Variants in GALNTL6 observed in about 807,000 individuals in gnomAD.
GALNTL6 encodes polypeptide N-acetylgalactosaminyltransferase like 6, also known as polypeptide N-acetylgalactosaminyltransferase-like 6.
In GALNTL6, 46 loss-of-function variants were observed where a neutral mutation model predicts 73.7. The ratio of observed to expected loss-of-function variants is 0.62; its 90% CI spans 0.49 to 0.80. The LOEUF is 0.80. GALNTL6 is among the 30% of genes least tolerant of loss of function. The pLI is 0.00. For synonymous variants in GALNTL6, 259 were observed against 263.7 expected (o/e 0.98, Z 0.17); for missense variants, 604 against 755.0 (o/e 0.80, Z 2.34).
rs145242938 is a variant in GALNTL6, at chr4:172,753,044, C to T, written c.554-56317C>T. Among the ~76,000 whole-genome samples the T allele has an allele frequency of 1.4e-3, 206 of 152,080 alleles. 1 individual carries two copies. Among genetic ancestry groups the T allele is most frequent in the African/African-American group, 4.7e-3 (195 of 41,488 alleles). On this transcript the variant is annotated intron_variant, in intron 5 of 12. Transcript: ENST00000506823. ...CACATGTGAATTGATATGGTTTGGC[C>T]GTGTTCCCACCCAAATCTCACCTTG...
chr4:172,365,198 T>C (rs1742513254), intron 5 of GALNTL6, among the ~76,000 whole-genome samples: 1 of 152,050 alleles, frequency 6.6e-6, no homozygotes, highest in Non-Finnish European at 1.5e-5. Context: ...TCTTGCAATG[T>C]TTCTGAGTGG....
At chr4:172,914,995 A>G (rs1162939965) in intron 8 of GALNTL6, among the ~76,000 whole-genome samples, 9 of 152,168 alleles carry the variant, frequency 5.9e-5, no homozygotes, top group African/African-American at 2.2e-4. Context: ...CCACATAGTT[A>G]GAAGTAAAGC....
At chr4:172,848,873 A>G (rs1453852279) in intron 7 of GALNTL6, among the ~76,000 whole-genome samples, 1 of 152,178 alleles carries the variant, frequency 6.6e-6, no homozygotes, top group Non-Finnish European at 1.5e-5. Context: ...CTACTGGAAG[A>G]CTGAGAGCAG....
At chr4:172,671,205 A>C (rs769261897) in intron 5 of GALNTL6, among the ~76,000 whole-genome samples, 9 of 152,224 alleles carry the variant, frequency 5.9e-5, no homozygotes, top group Non-Finnish European at 1.0e-4. Flanking sequence ...TGGTGATTTA[A>C]TAGAAATAAT....
At chr4:172,293,204 C>T (rs1739531934) in intron 3 of GALNTL6, among the ~76,000 whole-genome samples, 2 of 152,050 alleles carry the variant, frequency 1.3e-5, no homozygotes, top group Admixed American at 1.3e-4. Flanking sequence ...TGTTTTTATC[C>T]TTGGATGACA....
At chr4:172,658,335 C>T (rs1255016211) in intron 5 of GALNTL6, among the ~76,000 whole-genome samples, 1 of 148,696 alleles carries the variant, frequency 6.7e-6, no homozygotes, top group Non-Finnish European at 1.5e-5. Context: ...GGCGTGGTGG[C>T]GGACGCCTGT....
chr4:172,781,965 T>A (rs1425008467), intron 5 of GALNTL6, among the ~76,000 whole-genome samples: 1 of 151,532 alleles, frequency 6.6e-6, no homozygotes, highest in African/African-American at 2.4e-5. Flanking sequence ...TTTAAAACTT[T>A]CTCAAAAATA....
At chr4:172,680,444 G>A (rs1309541665) in intron 5 of GALNTL6, among the ~76,000 whole-genome samples, 1 of 151,730 alleles carries the variant, frequency 6.6e-6, no homozygotes, top group Non-Finnish European at 1.5e-5. Flanking sequence ...AGGAAGGAGG[G>A]GGGAAAGAAT....
intron 5 of GALNTL6, among the ~76,000 whole-genome samples, chr4:172,723,792 A>C (rs60567045): frequency 6.6e-6 from 1 of 151,666 alleles, no homozygotes; most frequent in Non-Finnish European, 1.5e-5. Context: ...CACTTTAGGT[A>C]TCAAAGAGTG....
intron 2 of GALNTL6, among the ~76,000 whole-genome samples, chr4:171,895,814 AC>A (rs1476969182): frequency 2.0e-5 from 3 of 152,170 alleles, no homozygotes; most frequent in Non-Finnish European, 2.9e-5. Flanking sequence ...AAAAGAAAAT[AC>A]TTCTCCACTT....
At chr4:172,616,829 C>A (rs1220503044) in intron 5 of GALNTL6, among the ~76,000 whole-genome samples, 2 of 152,076 alleles carry the variant, frequency 1.3e-5, no homozygotes, top group Non-Finnish European at 2.9e-5. Context: ...TCATGAGTTT[C>A]TTTTCATGAA....
intron 9 of GALNTL6, among the ~76,000 whole-genome samples, chr4:172,945,468 TA>T (rs1164682741): frequency 2.0e-5 from 3 of 152,234 alleles, no homozygotes; most frequent in African/African-American, 7.2e-5. Flanking sequence ...AGCTGATTTT[TA>T]AATTAGGCTT....
intron 2 of GALNTL6, among the ~76,000 whole-genome samples, chr4:172,057,825 T>G (rs1030920329): frequency 2.0e-5 from 3 of 149,150 alleles, no homozygotes; most frequent in Non-Finnish European, 3.0e-5. Flanking sequence ...ATTGTTCTCT[T>G]TGTGTGATAA....
At chr4:172,780,406 C>A (rs558072561) in intron 5 of GALNTL6, among the ~76,000 whole-genome samples, 1 of 152,126 alleles carries the variant, frequency 6.6e-6, no homozygotes, top group Admixed American at 6.5e-5. Flanking sequence ...TTATGCTTTT[C>A]TCTCCCATGT....
intron 2 of GALNTL6, among the ~76,000 whole-genome samples, chr4:172,177,494 G>C (rs995288895): frequency 1.1e-4 from 16 of 151,888 alleles, no homozygotes; most frequent in African/African-American, 3.9e-4. Flanking sequence ...AGCTGTTTCT[G>C]TCTCTTCTTT....
intron 5 of GALNTL6, among the ~76,000 whole-genome samples, chr4:172,473,991 A>G (rs1733142821): frequency 6.6e-6 from 1 of 152,108 alleles, no homozygotes. Context: ...CATCTTTAAC[A>G]TCTTTGAAAT....
chr4:171,903,524 A>G (rs1049251281), intron 2 of GALNTL6, among the ~76,000 whole-genome samples: 1 of 151,126 alleles, frequency 6.6e-6, no homozygotes, highest in African/African-American at 2.5e-5. Flanking sequence ...TTGCTAGCAC[A>G]GCAGTCTGAG....
rs1207466225 is a variant in GALNTL6, at chr4:172,571,522, C to A, written c.553+222833C>A. Among the ~76,000 whole-genome samples, 3 of 152,002 alleles carry A rather than the reference C, an allele frequency of 2.0e-5. No homozygotes were observed. The South Asian group carries it at 6.2e-4, about 32-fold the overall frequency. On this transcript the variant is annotated intron_variant, in intron 5 of 12. Transcript: ENST00000506823. ...TGAAGACAAGTTTTTTTAAAAAATA[C>A]CCCTTAATTGAAGGCAGAGACACTA...
intron 5 of GALNTL6, among the ~76,000 whole-genome samples, chr4:172,563,938 A>G (rs533679790): frequency 6.6e-6 from 1 of 152,316 alleles, no homozygotes; most frequent in Admixed American, 6.5e-5. Context: ...GACCCACTTG[A>G]TTTCAGATTT....
Sources: allele counts gnomAD v4.1 joint callset (sites outside exome capture counted in the v4.1 genomes callset), GRCh38; gene constraint gnomAD v4.1.1; transcripts MANE v1.5; gene names NCBI Gene and HGNC (gene_info 2026-07-23, HGNC 2026-07-21).